SMIM19: variants seen among roughly 807,000 people sequenced by gnomAD.
SMIM19 encodes the protein small integral membrane protein 19, also known as UPF0697 protein C8orf40.
A neutral mutation model predicts 13.2 loss-of-function variants in SMIM19; 6 were observed. The observed-to-expected ratio is 0.45, with a 90% CI of 0.25 to 0.90. The LOEUF is 0.90. Ranked by LOEUF, SMIM19 falls within the 40% of genes least tolerant of loss-of-function variation. SMIM19 has a pLI of 0.19. For missense variants in SMIM19, 138 were observed against 131.0 expected, an observed-to-expected ratio of 1.05 and a Z score of -0.26; for synonymous variants, 46 against 43.1, an observed-to-expected ratio of 1.07 and a Z score of -0.27.
chr8:42,547,356 C>CA (rs35948113), intron 2 of SMIM19, among the ~76,000 whole-genome samples: 83,791 of 144,374 alleles, frequency 0.58, 23,780 homozygotes, highest in Middle Eastern at 0.65. Flanking sequence ...GACTCCATCT[C>CA]AAAAAAAAAA....
intron 3 of SMIM19, 106 bp downstream of exon 3, chr8:42,548,886 A>G: frequency 8.4e-7 from 1 of 1,191,146 alleles, no homozygotes; most frequent in East Asian, 2.6e-5. Context: ...AGTAATGAAA[A>G]CTTAGTACTT....
chr8:42,547,099 A>G (rs569062602), intron 2 of SMIM19, among the ~76,000 whole-genome samples: 269 of 152,196 alleles, frequency 1.8e-3, no homozygotes, highest in African/African-American at 6.3e-3. Flanking sequence ...GGTGGCTCAC[A>G]CCTGTAATCC....
intron 3 of SMIM19, among the ~76,000 whole-genome samples, chr8:42,549,432 A>G (rs1263784050): frequency 6.6e-6 from 1 of 152,128 alleles, no homozygotes. Flanking sequence ...AAAGAAGTAC[A>G]TTCTGACATG....
intron 3 of SMIM19, among the ~76,000 whole-genome samples, chr8:42,552,248 ATC>A (rs979224926): frequency 1.7e-4 from 26 of 152,090 alleles, no homozygotes; most frequent in African/African-American, 6.3e-4. Context: ...GCGAGACCCT[ATC>A]TCTGCAAAAA....
intron 3 of SMIM19, among the ~76,000 whole-genome samples, chr8:42,551,258 C>G (rs993173132): frequency 3.4e-5 from 5 of 147,908 alleles, no homozygotes; most frequent in Admixed American, 6.9e-5. Flanking sequence ...GCAGAACTTG[C>G]AGGGAGCTGA....
chr8:42,554,211 A>G lies in SMIM19; in HGVS notation c.*1603A>G, dbSNP rs1434182860. On this transcript the variant is annotated 3_prime_UTR_variant, in exon 4 of 4. Transcript: ENST00000417410. ...ACAAAGGAGTTTGAGCGCACTTCCTACATGTTGAATTTAAATCTGACTAAA... is the reference window on the plus strand; with the variant it reads ...ACAAAGGAGTTTGAGCGCACTTCCTGCATGTTGAATTTAAATCTGACTAAA... 1 of 152,224 alleles carries G rather than the reference A, an allele frequency of 6.6e-6. No homozygotes were observed. Among genetic ancestry groups the G allele is most frequent in the Admixed American group, 6.5e-5 (1 of 15,284 alleles). 9.4% of individuals were successfully genotyped at this position (152,224 alleles called of 1,614,324 possible).
Position 42,552,656 on chromosome 8 carries a change from CT to C in SMIM19, c.*51del, listed in dbSNP as rs1563570853. On this transcript the variant is annotated 3_prime_UTR_variant, in exon 4 of 4. Transcript: ENST00000417410. ...AAGTAATTGTTTCAAGCTCCTGATT[CT>C]TTCTACTAAATCATGAACAGCTTTA... 1 of 1,571,396 alleles carries C rather than the reference CT, an allele frequency of 6.4e-7. No homozygotes were observed. The highest frequency in any genetic ancestry group is 2.2e-5 in the East Asian group (1 of 44,670).
intron 2 of SMIM19, among the ~76,000 whole-genome samples, chr8:42,546,854 G>A (rs1016153282): frequency 1.5e-4 from 22 of 151,648 alleles, no homozygotes; most frequent in Admixed American, 9.9e-4. Context: ...ATGGTGGTGC[G>A]TGCCTGTAAT....
At chr8:42,546,767 G>A (rs1404716416) in intron 2 of SMIM19, among the ~76,000 whole-genome samples, 161 bp downstream of exon 2, 2 of 150,506 alleles carry the variant, frequency 1.3e-5, no homozygotes, top group South Asian at 2.1e-4. Context: ...GGCAGATCAC[G>A]AGGTCAGGAA....
At chr8:42,543,363 C>T (rs1813345806) in intron 1 of SMIM19, among the ~76,000 whole-genome samples, 1 of 152,120 alleles carries the variant, frequency 6.6e-6, no homozygotes, top group Admixed American at 6.5e-5. Context: ...TAAAGTCATG[C>T]CATTGATCAT....
intron 2 of SMIM19, among the ~76,000 whole-genome samples, chr8:42,547,256 A>G (rs1011777650): frequency 3.9e-5 from 6 of 151,990 alleles, no homozygotes; most frequent in Admixed American, 3.9e-4. Flanking sequence ...GCTACTTGGG[A>G]GGCCGAGGCA....
intron 1 of SMIM19, among the ~76,000 whole-genome samples, chr8:42,545,464 T>C (rs191383221): frequency 1.1e-4 from 17 of 152,354 alleles, no homozygotes; most frequent in Admixed American, 9.2e-4. Flanking sequence ...AGCCATGTTC[T>C]GGCTGTCACA....
intron 1 of SMIM19, 142 bp from the exon 2 acceptor site, chr8:42,546,327 A>G: frequency 1.1e-6 from 1 of 911,332 alleles, no homozygotes; most frequent in Non-Finnish European, 1.5e-6. Context: ...TAGAAATGTA[A>G]ATCCCATTCT....
intron 1 of SMIM19, among the ~76,000 whole-genome samples, chr8:42,544,906 G>A (rs1366079771): frequency 6.6e-6 from 1 of 152,200 alleles, no homozygotes; most frequent in Non-Finnish European, 1.5e-5. Context: ...ACACTTTGGA[G>A]GTTTACAGCA....
chr8:42,543,806 C>A (rs1470820031), intron 1 of SMIM19, among the ~76,000 whole-genome samples: 7 of 152,162 alleles, frequency 4.6e-5, no homozygotes, highest in Non-Finnish European at 1.0e-4. Context: ...CGTTTCTTGC[C>A]TAATTTGTTA....
intron 1 of SMIM19, among the ~76,000 whole-genome samples, chr8:42,544,277 G>A (rs893275849): frequency 3.3e-5 from 5 of 152,122 alleles, no homozygotes; most frequent in Admixed American, 1.3e-4. Context: ...CGGGCGCGGT[G>A]GTGGGCTCCT....
intron 2 of SMIM19, among the ~76,000 whole-genome samples, chr8:42,546,855 T>A (rs1243203014): frequency 1.3e-5 from 2 of 151,646 alleles, no homozygotes; most frequent in African/African-American, 4.8e-5. Flanking sequence ...TGGTGGTGCG[T>A]GCCTGTAATC....
chr8:42,543,952 C>T (rs1241171879), intron 1 of SMIM19, among the ~76,000 whole-genome samples: 1 of 152,118 alleles, frequency 6.6e-6, no homozygotes, highest in Non-Finnish European at 1.5e-5. Context: ...TACACTTTGG[C>T]ACCAACGAAG....
rs746769055 is a variant in SMIM19, at chr8:42,552,645, A to G, written c.*37A>G. Reference sequence around the variant, plus strand: ...AAGAGCAACAGAAGTAATTGTTTCAAGCTCCTGATTCTTTCTACTAAATCA... The same window carrying G: ...AAGAGCAACAGAAGTAATTGTTTCAGGCTCCTGATTCTTTCTACTAAATCA... On this transcript the variant is annotated 3_prime_UTR_variant, in exon 4 of 4. Coordinates refer to ENST00000417410, the MANE Select transcript of SMIM19 (RefSeq NM_001135674.2). 2 of 1,598,794 alleles carry G rather than the reference A, an allele frequency of 1.3e-6. No homozygotes were observed. Among genetic ancestry groups the G allele is most frequent in the Non-Finnish European group, 8.6e-7 (1 of 1,167,178 alleles).
Sources: allele counts gnomAD v4.1 joint callset (sites outside exome capture counted in the v4.1 genomes callset), GRCh38; gene constraint gnomAD v4.1.1; transcripts MANE v1.5; gene names NCBI Gene and HGNC (gene_info 2026-07-23, HGNC 2026-07-21).